The following PIK3C3 variants were observed in gnomAD, a reference collection of about 807,000 sequenced individuals.
PIK3C3 encodes phosphatidylinositol 3-kinase catalytic subunit type 3.
Under a neutral mutation model 126.1 loss-of-function variants are expected in PIK3C3, and 95 were observed. The observed-to-expected ratio is 0.75, with a 90% CI of 0.64 to 0.89. The LOEUF (loss-of-function observed/expected upper bound fraction) is 0.89. PIK3C3 is among the 40% of genes least tolerant of loss of function. The pLI, the probability that PIK3C3 is intolerant of heterozygous loss-of-function variation, is 0.00. For missense variants in PIK3C3, 829 were observed against 1,063.2 expected (o/e 0.78, Z 3.06); for synonymous variants, 374 against 360.0 (o/e 1.04, Z -0.44).
intron 14 of PIK3C3, among the ~76,000 whole-genome samples, chr18:42,028,121 T>C (rs1301374469): frequency 6.6e-6 from 1 of 152,240 alleles, no homozygotes; most frequent in Non-Finnish European, 1.5e-5. Context: ...GTTTAATAGT[T>C]GGAATGAAAA....
chr18:42,067,279 C>T, intron 23 of PIK3C3, 109 bp from the exon 24 acceptor site: 2 of 946,632 alleles, frequency 2.1e-6, no homozygotes, highest in South Asian at 3.2e-5. Context: ...ATTTATTTGC[C>T]ATAGGAATAG....
intron 21 of PIK3C3, chr18:42,050,733 ATGT>A (rs2144492268): frequency 1.3e-5 from 2 of 152,346 alleles, no homozygotes; most frequent in African/African-American, 4.8e-5. Context: ...CAAACAATAT[ATGT>A]TGCCTAAACA....
At chr18:42,014,349 A>T (rs900435836) in intron 11 of PIK3C3, among the ~76,000 whole-genome samples, 2 of 152,142 alleles carry the variant, frequency 1.3e-5, no homozygotes, top group Admixed American at 1.3e-4. Flanking sequence ...ATAATAGCAT[A>T]TTATTTGAAT....
At chr18:42,038,143 G>A (rs1984140845) in intron 17 of PIK3C3, among the ~76,000 whole-genome samples, 1 of 151,728 alleles carries the variant, frequency 6.6e-6, no homozygotes, top group Non-Finnish European at 1.5e-5. Flanking sequence ...CTCTGTCCCT[G>A]GCATTAAAAA....
intron 9 of PIK3C3, among the ~76,000 whole-genome samples, chr18:41,996,972 G>C (rs1309580138): frequency 6.6e-6 from 1 of 152,064 alleles, no homozygotes; most frequent in Non-Finnish European, 1.5e-5. Flanking sequence ...ACTTGGGTTC[G>C]TTTTCCAGAA....
intron 15 of PIK3C3, among the ~76,000 whole-genome samples, chr18:42,031,592 T>A (rs1264482586): frequency 6.6e-6 from 1 of 152,078 alleles, no homozygotes; most frequent in Non-Finnish European, 1.5e-5. Flanking sequence ...GCCTGGCTAA[T>A]TTTTAGTAAA....
At chr18:41,991,995 C>A (rs1457287963) in intron 6 of PIK3C3, among the ~76,000 whole-genome samples, 2 of 152,084 alleles carry the variant, frequency 1.3e-5, no homozygotes, top group Non-Finnish European at 2.9e-5. Context: ...CAAAAACATG[C>A]TAATGGAGAT....
Position 42,082,150 on chromosome 18 carries a change from A to G in PIK3C3, c.*1013A>G, listed in dbSNP as rs1012929157. 7 of 152,230 alleles carry G rather than the reference A, an allele frequency of 4.6e-5. No individual in the cohort carries two copies. The highest frequency in any genetic ancestry group is 1.7e-4 in the African/African-American group (7 of 41,466). The allele number at this position is 152,230 out of a possible 1,614,324, so 9.4% of individuals were successfully genotyped here. A position where few individuals can be genotyped will look rare whatever the true frequency, so the allele number is the denominator to read the frequency against. On this transcript the variant is annotated 3_prime_UTR_variant, in exon 25 of 25. Transcript: ENST00000262039. ...TACAAATATACAAATGATATGAACA[A>G]TATGGTAATAATCTTTTGCAACTTA...
chr18:41,976,635 A>G (rs1485653337), intron 4 of PIK3C3, among the ~76,000 whole-genome samples: 1 of 152,224 alleles, frequency 6.6e-6, no homozygotes, highest in East Asian at 1.9e-4. Flanking sequence ...AAGTAGGAAT[A>G]GTAGTTATAT....
In PIK3C3 at chr18:42,058,337, A is replaced by G. The variant is rs570334720; in HGVS notation, c.2432+286A>G. Among the ~76,000 whole-genome samples the G allele has an allele frequency of 9.2e-4, 140 of 152,318 alleles. 1 individual carries two copies. The highest frequency in any genetic ancestry group is 1.7e-3 in the African/African-American group (71 of 41,576). ...AGCAAACATGGAGGCTTCCAACTCA[A>G]TGGTGTTGATGTCACTTTAATAAAG... On this transcript the variant is annotated intron_variant, in intron 22 of 24. Transcript: ENST00000262039.
Position 42,015,475 on chromosome 18 carries a change from G to T in PIK3C3, c.1326-1G>T. 6.2e-7 allele frequency: 1 copy of T among 1,611,324 alleles called. No homozygotes were observed. Reference sequence around the variant, plus strand: ...AGTGATCTCTTTTATTACTTTTTCAGCTCCCAAATTATAACCAGCCCCCTT... The same window carrying T: ...AGTGATCTCTTTTATTACTTTTTCATCTCCCAAATTATAACCAGCCCCCTT... On this transcript the variant is annotated splice_acceptor_variant, in intron 11 of 24. Coordinates refer to ENST00000262039, the MANE Select transcript of PIK3C3 (RefSeq NM_002647.4). LOFTEE classifies it high-confidence loss of function.
At chr18:42,048,927 C>G (rs1984673723) in intron 20 of PIK3C3, among the ~76,000 whole-genome samples, 1 of 152,130 alleles carries the variant, frequency 6.6e-6, no homozygotes, top group African/African-American at 2.4e-5. Context: ...TAAGTAGTTT[C>G]AATAAATGCT....
intron 12 of PIK3C3, among the ~76,000 whole-genome samples, chr18:42,017,699 C>A (rs576355753): frequency 6.6e-6 from 1 of 152,056 alleles, no homozygotes; most frequent in Admixed American, 6.6e-5. Flanking sequence ...CATCTTAAAA[C>A]CTGTTTTGTC....
intron 9 of PIK3C3, among the ~76,000 whole-genome samples, chr18:42,001,830 A>G (rs1310915420): frequency 6.6e-6 from 1 of 152,228 alleles, no homozygotes; most frequent in Non-Finnish European, 1.5e-5. Flanking sequence ...CTGCTGATGT[A>G]CTGTGAAATG....
intron 4 of PIK3C3, among the ~76,000 whole-genome samples, chr18:41,981,898 C>T (rs924759744): frequency 2.0e-5 from 3 of 151,566 alleles, no homozygotes; most frequent in African/African-American, 7.3e-5. Context: ...ATAGGAAAAT[C>T]TCTTCAGCCT....
intron 12 of PIK3C3, among the ~76,000 whole-genome samples, chr18:42,017,960 C>T (rs1983150905): frequency 6.6e-6 from 1 of 150,938 alleles, no homozygotes; most frequent in Non-Finnish European, 1.5e-5. Context: ...ATTTCACTAT[C>T]TTATTTAGTA....
intron 4 of PIK3C3, among the ~76,000 whole-genome samples, chr18:41,973,314 T>C (rs1980759229): frequency 2.0e-5 from 3 of 152,060 alleles, no homozygotes; most frequent in African/African-American, 4.8e-5. Context: ...TAGTGCTTGC[T>C]TCTTAAATTT....
chr18:41,962,619 T>A lies in PIK3C3; in HGVS notation c.388T>A (p.Phe130Ile). 1.2e-6 allele frequency: 2 copies of A among 1,610,422 alleles called. No homozygotes were observed. The highest frequency in any genetic ancestry group is 1.7e-6 in the Non-Finnish European group (2 of 1,177,782). ...TGTAGGAGGAACAACGGTTTCGCTC[T>A]TTGGAAAATACGGGTAAGCATTCTG... ...VPVGGTTVSLFGKYGMFRQGM... is the reference protein window; with the variant it reads ...VPVGGTTVSLIGKYGMFRQGM... Residue 130 changes from phenylalanine to isoleucine, a missense_variant, in exon 3 of 25, where the codon TTT (phenylalanine) becomes ATT (isoleucine). Physicochemically the swap from Phe to Ile is conservative, Grantham distance 21. Around this residue, in one of 4 missense-constraint regions of PIK3C3, gnomAD observed 313 missense variants for 340.7 expected, o/e 0.92. Transcript: ENST00000262039.
intron 5 of PIK3C3, among the ~76,000 whole-genome samples, chr18:41,990,148 T>C (rs1237092534): frequency 6.6e-6 from 1 of 152,184 alleles, no homozygotes; most frequent in Admixed American, 6.6e-5. Context: ...AAAATAGTTC[T>C]CATGAACATG....
Sources: allele counts gnomAD v4.1 joint callset (sites outside exome capture counted in the v4.1 genomes callset), GRCh38; gene constraint gnomAD v4.1.1; regional missense constraint gnomAD v4.1.1; transcripts MANE v1.5; gene names NCBI Gene and HGNC (gene_info 2026-07-23, HGNC 2026-07-21).